The following ZDHHC11 variants were observed in gnomAD, a reference collection of about 807,000 sequenced individuals.
The protein encoded by ZDHHC11 is zDHHC palmitoyltransferase 11, also known as palmitoyltransferase ZDHHC11.
Under a neutral mutation model 51.3 loss-of-function variants are expected in ZDHHC11, and 44 were observed. The ratio of observed to expected loss-of-function variants is 0.86; its 90% CI spans 0.67 to 1.10. ZDHHC11 has a LOEUF of 1.10. ZDHHC11 is among the 50% of genes least tolerant of loss of function. ZDHHC11 has a pLI of 0.00. For synonymous variants in ZDHHC11, 163 were observed against 222.0 expected (o/e 0.73, Z 2.36); for missense variants, 400 against 537.7 (o/e 0.74, Z 2.53).
chr5:852,070 G>T (rs114229252), upstream of ZDHHC11, among the ~76,000 whole-genome samples: 1 of 132,972 alleles, frequency 7.5e-6, no homozygotes, highest in Non-Finnish European at 1.7e-5. Context: ...AAAAAAAAAA[G>T]AAAGAAAGAA....
chr5:824,873 G>C (rs992272579), intron 8 of ZDHHC11, among the ~76,000 whole-genome samples: 8 of 151,456 alleles, frequency 5.3e-5, no homozygotes, highest in East Asian at 3.9e-4. Flanking sequence ...GCACTTCAGA[G>C]CCTGCCTTGG....
At chr5:805,996 C>A (rs1238503375) in intron 11 of ZDHHC11, among the ~76,000 whole-genome samples, 2 of 151,046 alleles carry the variant, frequency 1.3e-5, no homozygotes, top group African/African-American at 4.9e-5. Flanking sequence ...TCTGCCACCC[C>A]ACAGGAGATA....
At chr5:855,839 GACCCCACAGAGGACAGACAGCGAGCGA>G (rs1748160744), upstream of ZDHHC11, among the ~76,000 whole-genome samples, 1 of 140,480 alleles carries the variant, frequency 7.1e-6, no homozygotes, top group African/African-American at 2.9e-5. Flanking sequence ...GGGGGGCACA[GACCCCACAGAGGACAGACAGCGAGCGA>G]GGGGCACAGA....
At chr5:848,452 C>T in intron 2 of ZDHHC11, 30 bp downstream of exon 2, 2 of 1,178,874 alleles carry the variant, frequency 1.7e-6, no homozygotes, top group Non-Finnish European at 2.3e-6. Context: ...ACCCTGACAC[C>T]TTGGGGCCTC....
intron 11 of ZDHHC11, among the ~76,000 whole-genome samples, chr5:805,676 T>C (rs1281385294): frequency 6.6e-6 from 1 of 151,298 alleles, no homozygotes; most frequent in Non-Finnish European, 1.5e-5. Context: ...TCATTTCTTA[T>C]CAGTAATTAC....
rs528034167 is a variant in ZDHHC11, at chr5:828,736, A to G, written c.936-3485T>C. ...CAGTACATGGAAAATTCTCCAAGAT[A>G]CATCATATAATAGGCCACAAAACAA... On this transcript the variant is annotated intron_variant, in intron 7 of 12. Coordinates refer to ENST00000283441, the MANE Select transcript of ZDHHC11 (RefSeq NM_024786.3). Among the ~76,000 whole-genome samples, 676 of 150,460 alleles carry G rather than the reference A, an allele frequency of 4.5e-3. 28 individuals are homozygous for G. The highest frequency in any genetic ancestry group is 0.016 in the African/African-American group (649 of 40,698).
chr5:801,150 G>A lies in ZDHHC11; in HGVS notation c.1196C>T (p.Thr399Ile). The change falls in exon 12 of 13, where the codon ACA becomes ATA. Residue 399 changes from threonine to isoleucine, a missense_variant. Physicochemically the swap from Thr to Ile is moderately conservative, Grantham distance 89 (BLOSUM62 -1). This residue lies in a region of ZDHHC11 where 231 missense variants were observed against 227.4 expected (regional missense o/e 1.02). Coordinates refer to ENST00000283441, the MANE Select transcript of ZDHHC11 (RefSeq NM_024786.3). ...SISTLGLQQE[T>I]TEPMKTDSAE... ...ACTGTCAGTTTTCATGGGCTCTGTT[G>A]TTTCTTGTTGCAGCCTGTTTGCAAT... 6.2e-7 allele frequency: 1 copy of A among 1,611,060 alleles called. No individual in the cohort carries two copies. The highest frequency in any genetic ancestry group is 8.5e-7 in the Non-Finnish European group (1 of 1,177,918).
intron 5 of ZDHHC11, 56 bp from the exon 6 acceptor site, chr5:837,536 C>T (rs550911964): frequency 2.5e-5 from 40 of 1,575,932 alleles, no homozygotes; most frequent in Admixed American, 8.3e-5. Context: ...CTTTGCACGG[C>T]GCCCACAGGA....
In ZDHHC11 at chr5:825,234, G is replaced by C. The variant is rs1403992783; in HGVS notation, c.953C>G (p.Ser318Cys). ...ACATAAGTGCTTGTGAATCAGCAGG[G>C]AGCTCTTGGCTTTGACTCTGGTGGG... Reference protein sequence around the residue: ...SSAQGVKAKSSLLIHKHLCHF... With the variant: ...SSAQGVKAKSCLLIHKHLCHF... Residue 318 changes from serine to cysteine, a missense_variant, in exon 8 of 13, where the codon TCC (serine) becomes TGC (cysteine). By Grantham distance (112) the Ser-to-Cys change is moderately radical (BLOSUM62 -1). Coordinates refer to ENST00000283441, the MANE Select transcript of ZDHHC11 (RefSeq NM_024786.3). The C allele has an allele frequency of 6.2e-7, 1 of 1,612,752 alleles. No homozygotes were observed.
intron 4 of ZDHHC11, chr5:840,984 CCCTT>C: frequency 7.6e-7 from 1 of 1,312,850 alleles, no homozygotes; most frequent in Non-Finnish European, 9.8e-7. Context: ...CAGCGCCCAC[CCCTT>C]CCTAAGTGCC....
intron 3 of ZDHHC11, among the ~76,000 whole-genome samples, chr5:844,780 A>G (rs1287424571): frequency 6.6e-6 from 1 of 152,300 alleles, no homozygotes; most frequent in Non-Finnish European, 1.5e-5. Flanking sequence ...TCTGAGCCAA[A>G]AGCGATGTCC....
chr5:840,871 T>C, intron 4 of ZDHHC11: 1 of 1,441,506 alleles, frequency 6.9e-7, no homozygotes, highest in Non-Finnish European at 9.1e-7. Flanking sequence ...ATCTGGGAGG[T>C]GAGGCTCCAA....
rs1163320580 is a variant in ZDHHC11, at chr5:828,972, C to G, written c.936-3721G>C. On this transcript the variant is annotated intron_variant, in intron 7 of 12. Coordinates refer to ENST00000283441, the MANE Select transcript of ZDHHC11 (RefSeq NM_024786.3). ...ACTGAATAACTGTGGCATGACTTAT[C>G]AAAACCTCAAGGACACAGCAAAAGT... Among the ~76,000 whole-genome samples the G allele has an allele frequency of 2.3e-5, 3 of 128,484 alleles. No homozygotes were observed. The East Asian group carries it at 6.1e-4, about 26-fold the overall frequency. 84.3% of individuals were successfully genotyped at this position (128,484 alleles called of 152,430 possible). A position where few individuals can be genotyped will look rare whatever the true frequency, so the allele number is the denominator to read the frequency against.
Position 824,196 on chromosome 5 carries a change from C to T in ZDHHC11, c.1023+968G>A, listed in dbSNP as rs113918380. ...GCCTGCGGCCTGGCGTGGTGGCTCA[C>T]GCCTCTAATCCCTGTGCTATTAGAG... is the stretch of plus-strand genomic sequence containing the variant. On this transcript the variant is annotated intron_variant, in intron 8 of 12. Transcript: ENST00000283441. 678 of 403,128 alleles carry T rather than the reference C, an allele frequency of 1.7e-3. 13 individuals are homozygous for T. The highest frequency in any genetic ancestry group is 0.012 in the African/African-American group (582 of 48,418). The allele number at this position is 403,128 out of a possible 1,614,324, so 25.0% of individuals were successfully genotyped here.
intron 11 of ZDHHC11, among the ~76,000 whole-genome samples, chr5:810,667 C>T (rs1739974675): frequency 6.6e-6 from 1 of 151,454 alleles, no homozygotes. Flanking sequence ...CAGCTGGATC[C>T]AAACTGTTAG....
upstream of ZDHHC11, among the ~76,000 whole-genome samples, chr5:860,559 T>A (rs1748741444): frequency 6.6e-6 from 1 of 151,794 alleles, no homozygotes; most frequent in Admixed American, 6.6e-5. This position sits in a 1 kb window ranked among gnomAD's most constrained non-coding sequence, Gnocchi z 4.2. Flanking sequence ...ACGGAGTAAT[T>A]TTAAAGAACA....
In ZDHHC11 at chr5:825,251, T is replaced by C. The variant is rs201142265; in HGVS notation, c.936A>G (p.Gly312=). The change falls in exon 8 of 13, where the codon GGA becomes GGG. Residue 312 remains glycine (G), a splice_region_variant and synonymous_variant. Transcript: ENST00000283441. ...TCAGCAGGGAGCTCTTGGCTTTGAC[T>C]CTGGTGGGACAGAAAGGAGGAGAGA... The part of the protein sequence containing the change: ...GAGALGSSAQ[G]VKAKSSLLIH... 1 of 1,612,222 alleles carries C rather than the reference T, an allele frequency of 6.2e-7. No individual in the cohort carries two copies.
At chr5:798,890 A>G (rs1405966522) in intron 12 of ZDHHC11, among the ~76,000 whole-genome samples, 2 of 152,200 alleles carry the variant, frequency 1.3e-5, no homozygotes, top group Non-Finnish European at 2.9e-5. Flanking sequence ...TGCAAATGAT[A>G]AAGAGCATGC....
intron 7 of ZDHHC11, among the ~76,000 whole-genome samples, chr5:828,694 A>C (rs1421256898): frequency 1.3e-5 from 2 of 151,140 alleles, no homozygotes; most frequent in Non-Finnish European, 3.0e-5. Flanking sequence ...CAACTGCAGA[A>C]TGTACATTCT....
Sources: gnomAD v4.1 joint callset for allele counts (sites outside exome capture counted in the v4.1 genomes callset) on GRCh38, gnomAD v4.1.1 for gene constraint, gnomAD v4.1.1 regional missense constraint, Gnocchi (gnomAD v3.1) non-coding constraint, MANE v1.5 for transcripts, NCBI Gene and HGNC (gene_info 2026-07-23, HGNC 2026-07-21) for gene names.